Variants in FARS2 observed in about 807,000 individuals in gnomAD.
FARS2 encodes phenylalanine--tRNA ligase, mitochondrial.
Under a neutral mutation model 46.4 loss-of-function variants are expected in FARS2, and 40 were observed. The observed-to-expected ratio is 0.86, with a 90% CI of 0.67 to 1.12. The LOEUF (loss-of-function observed/expected upper bound fraction) is 1.12. Ranked by LOEUF, FARS2 falls within the 50% of genes most tolerant of loss-of-function variation. The pLI is 0.00. For synonymous variants in FARS2, 234 were observed against 214.9 expected, an observed-to-expected ratio of 1.09 and a Z score of -0.78; for missense variants, 513 against 567.9, an observed-to-expected ratio of 0.90 and a Z score of 0.98.
At chr6:5,323,994 G>C (rs1334557793) in intron 1 of FARS2, among the ~76,000 whole-genome samples, 2 of 152,024 alleles carry the variant, frequency 1.3e-5, no homozygotes, top group African/African-American at 4.8e-5. Context: ...TCCTCCCAGA[G>C]ACATTCCAAC....
chr6:5,315,835 G>T (rs1769482201), intron 1 of FARS2, among the ~76,000 whole-genome samples: 1 of 151,982 alleles, frequency 6.6e-6, no homozygotes, highest in Non-Finnish European at 1.5e-5. Flanking sequence ...ATAAATGCAT[G>T]TTCAGAGGCA....
intron 3 of FARS2, among the ~76,000 whole-genome samples, chr6:5,416,882 T>C (rs935240852): frequency 2.6e-5 from 4 of 152,382 alleles, no homozygotes; most frequent in African/African-American, 9.6e-5. Context: ...CAGACTTCCC[T>C]GTTTCCCATC....
chr6:5,518,119 C>G (rs1768921219), intron 4 of FARS2, among the ~76,000 whole-genome samples: 1 of 152,134 alleles, frequency 6.6e-6, no homozygotes, highest in Admixed American at 6.5e-5. Flanking sequence ...TGATGGTGCA[C>G]CAGGCTCCAC....
intron 3 of FARS2, among the ~76,000 whole-genome samples, chr6:5,412,874 C>A (rs545678800): frequency 0.08 from 12,120 of 152,170 alleles, 555 homozygotes; most frequent in East Asian, 0.11. Context: ...TTTGACTTGT[C>A]TGTACTCGCC....
chr6:5,636,384 C>G (rs972374122), intron 6 of FARS2, among the ~76,000 whole-genome samples: 1 of 152,204 alleles, frequency 6.6e-6, no homozygotes, highest in Admixed American at 6.5e-5. Flanking sequence ...AACTGCTTCT[C>G]CCTCCCAATC....
At chr6:5,605,349 T>C (rs1774771938) in intron 5 of FARS2, among the ~76,000 whole-genome samples, 1 of 152,172 alleles carries the variant, frequency 6.6e-6, no homozygotes, top group Non-Finnish European at 1.5e-5. Context: ...TCCTGTCCTC[T>C]GATCTAGAAG....
chr6:5,672,150 A>G (rs1218366063), intron 6 of FARS2, among the ~76,000 whole-genome samples: 2 of 152,158 alleles, frequency 1.3e-5, no homozygotes, highest in Non-Finnish European at 2.9e-5. Context: ...GGCAAGAGTA[A>G]AGAGAAGACA....
chr6:5,698,346 G>A (rs115535918), intron 6 of FARS2, among the ~76,000 whole-genome samples: 1 of 152,096 alleles, frequency 6.6e-6, no homozygotes, highest in Non-Finnish European at 1.5e-5. Flanking sequence ...GAGAGAGTAG[G>A]GGGAGGGAGG....
chr6:5,723,099 G>T (rs1351344772), intron 6 of FARS2, among the ~76,000 whole-genome samples: 2 of 152,116 alleles, frequency 1.3e-5, no homozygotes, highest in Non-Finnish European at 2.9e-5. Flanking sequence ...GGTTCTGGGG[G>T]TGAGTGGGGT....
chr6:5,587,950 G>A (rs183035658), intron 5 of FARS2, among the ~76,000 whole-genome samples: 24 of 152,226 alleles, frequency 1.6e-4, no homozygotes, highest in African/African-American at 3.1e-4. Context: ...TGTAAATTAT[G>A]AAACAACATA....
chr6:5,555,179 T>C (rs1771586338), intron 5 of FARS2, among the ~76,000 whole-genome samples: 1 of 152,088 alleles, frequency 6.6e-6, no homozygotes, highest in African/African-American at 2.4e-5. Context: ...TCTTCCTCAT[T>C]TTCTCTTGTC....
At chr6:5,571,583 G>A (rs1772651039) in intron 5 of FARS2, among the ~76,000 whole-genome samples, 1 of 152,014 alleles carries the variant, frequency 6.6e-6, no homozygotes. Context: ...GTCACCTCCT[G>A]ATCATCCCTT....
chr6:5,690,238 T>G (rs548750400), intron 6 of FARS2, among the ~76,000 whole-genome samples: 1 of 152,346 alleles, frequency 6.6e-6, no homozygotes, highest in African/African-American at 2.4e-5. Context: ...GATCCTGTCA[T>G]TATGATGTTA....
intron 6 of FARS2, among the ~76,000 whole-genome samples, chr6:5,692,508 G>T (rs1241750100): frequency 6.6e-6 from 1 of 152,120 alleles, no homozygotes; most frequent in African/African-American, 2.4e-5. Flanking sequence ...CACACACTGG[G>T]CTGGGCACTG....
chr6:5,309,756 A>G (rs545647669), intron 1 of FARS2, among the ~76,000 whole-genome samples: 7 of 109,346 alleles, frequency 6.4e-5, no homozygotes, highest in Middle Eastern at 4.8e-3. Flanking sequence ...AAAGATATCA[A>G]TTCTTATAAA....
intron 4 of FARS2, among the ~76,000 whole-genome samples, chr6:5,451,476 TG>T (rs1367333455): frequency 6.6e-6 from 1 of 152,152 alleles, no homozygotes; most frequent in African/African-American, 2.4e-5. Flanking sequence ...ATTGGGGAGC[TG>T]GGGCTCACTG....
intron 1 of FARS2, among the ~76,000 whole-genome samples, chr6:5,358,111 G>C (rs1758053163): frequency 6.6e-6 from 1 of 152,076 alleles, no homozygotes; most frequent in South Asian, 2.1e-4. Flanking sequence ...TTTTAACCTG[G>C]AGGCTATTTC....
At chr6:5,648,854 G>A (rs919936901) in intron 6 of FARS2, among the ~76,000 whole-genome samples, 1 of 152,194 alleles carries the variant, frequency 6.6e-6, no homozygotes, top group Non-Finnish European at 1.5e-5. Flanking sequence ...TGGGAAGAAG[G>A]ATTTTGTCTC....
chr6:5,696,062 T>C lies in FARS2; in HGVS notation c.1218-75229T>C, dbSNP rs137875042. Among the ~76,000 whole-genome samples, 107 of 152,324 alleles carry C rather than the reference T, an allele frequency of 7.0e-4. 1 individual carries two copies. Among genetic ancestry groups the C allele is most frequent in the African/African-American group, 2.5e-3 (104 of 41,574 alleles). On this transcript the variant is annotated intron_variant, in intron 6 of 6. Coordinates refer to ENST00000274680, the MANE Select transcript of FARS2 (RefSeq NM_006567.5). The stretch of plus-strand genomic sequence containing the variant: ...ACAAAGATTTTAGAAGTGGATAATG[T>C]TCAGTGCTGTCAAGCGTGCAGGACA...
Sources: gnomAD v4.1 joint callset for allele counts (sites outside exome capture counted in the v4.1 genomes callset) on GRCh38, gnomAD v4.1.1 for gene constraint, MANE v1.5 for transcripts, NCBI Gene and HGNC (gene_info 2026-07-23, HGNC 2026-07-21) for gene names.